GRIK4: variants seen among roughly 807,000 people sequenced by gnomAD.
GRIK4 encodes the protein glutamate ionotropic receptor kainate type subunit 4.
GRIK4 carries 40 observed loss-of-function variants against 104.9 expected under a neutral mutation model. The ratio of observed to expected loss-of-function variants is 0.38; its 90% CI spans 0.30 to 0.50. The LOEUF (loss-of-function observed/expected upper bound fraction) is 0.50. GRIK4 is among the 20% of genes least tolerant of loss of function. The pLI is 0.93. For missense variants in GRIK4, 1,047 were observed against 1,308.1 expected (o/e 0.80, Z 3.08); for synonymous variants, 485 against 524.9 (o/e 0.92, Z 1.04).
chr11:120,825,290 C>T (rs924222506), intron 6 of GRIK4, among the ~76,000 whole-genome samples: 2 of 152,184 alleles, frequency 1.3e-5, no homozygotes, highest in African/African-American at 4.8e-5. Context: ...TCTTCTGCTA[C>T]TTATTTTCTA....
intron 12 of GRIK4, among the ~76,000 whole-genome samples, chr11:120,901,516 G>A (rs1942737947): frequency 6.6e-6 from 1 of 152,036 alleles, no homozygotes; most frequent in African/African-American, 2.4e-5. Flanking sequence ...ATTTTTCCCT[G>A]CCCCCTCCCA....
At chr11:120,833,577 G>A (rs553552394) in intron 7 of GRIK4, among the ~76,000 whole-genome samples, 2 of 152,326 alleles carry the variant, frequency 1.3e-5, no homozygotes, top group Non-Finnish European at 2.9e-5. Flanking sequence ...CCCCCAGGTA[G>A]AAGCTTCTGG....
chr11:120,557,238 C>T (rs181675195), intron 1 of GRIK4, among the ~76,000 whole-genome samples: 5 of 152,334 alleles, frequency 3.3e-5, no homozygotes, highest in South Asian at 2.1e-4. Flanking sequence ...TCCTGTCCCC[C>T]CCGAGGACTC....
intron 1 of GRIK4, among the ~76,000 whole-genome samples, chr11:120,614,786 T>C (rs1008382755): frequency 6.6e-6 from 1 of 152,138 alleles, no homozygotes; most frequent in African/African-American, 2.4e-5. Flanking sequence ...GATCATGAGG[T>C]CAGGAGATCG....
intron 13 of GRIK4, among the ~76,000 whole-genome samples, chr11:120,912,139 G>A (rs1943012644): frequency 6.6e-6 from 1 of 152,202 alleles, no homozygotes; most frequent in South Asian, 2.1e-4. Flanking sequence ...GAATGTGAGA[G>A]AGAGGGAGAA....
intron 3 of GRIK4, among the ~76,000 whole-genome samples, chr11:120,687,375 G>A (rs10892613): frequency 0.11 from 16,306 of 152,132 alleles, 931 homozygotes; most frequent in South Asian, 0.16. Context: ...ATTTCCAAGT[G>A]ATTGTTTTTT....
chr11:120,719,289 T>C (rs1156853532), intron 3 of GRIK4, among the ~76,000 whole-genome samples: 2 of 152,202 alleles, frequency 1.3e-5, no homozygotes, highest in Non-Finnish European at 2.9e-5. Flanking sequence ...CATAAAGTGG[T>C]ATTTCCTATA....
intron 3 of GRIK4, among the ~76,000 whole-genome samples, chr11:120,685,591 C>A (rs1950262862): frequency 6.6e-6 from 1 of 152,122 alleles, no homozygotes; most frequent in African/African-American, 2.4e-5. Flanking sequence ...TGGGGCAGGC[C>A]GGCTTTTTCT....
At chr11:120,671,334 T>A (rs1950013855) in intron 3 of GRIK4, among the ~76,000 whole-genome samples, 1 of 152,210 alleles carries the variant, frequency 6.6e-6, no homozygotes, top group Non-Finnish European at 1.5e-5. Flanking sequence ...GTAAAAGCAT[T>A]ACTATTTCTC....
At chr11:120,581,998 G>A (rs1240160013) in intron 1 of GRIK4, among the ~76,000 whole-genome samples, 9 of 151,490 alleles carry the variant, frequency 5.9e-5, no homozygotes, top group South Asian at 4.2e-4. Context: ...TAGTAGAGAC[G>A]GGGTTTCACT....
intron 2 of GRIK4, among the ~76,000 whole-genome samples, chr11:120,655,146 A>G (rs546695917): frequency 1.3e-5 from 2 of 152,018 alleles, no homozygotes; most frequent in East Asian, 3.9e-4. Flanking sequence ...TCCAGACAGC[A>G]TCGTTGTCAT....
chr11:120,888,781 C>T (rs1159554761), intron 11 of GRIK4, among the ~76,000 whole-genome samples: 1 of 152,178 alleles, frequency 6.6e-6, no homozygotes, highest in Non-Finnish European at 1.5e-5. Context: ...CTGCTATGTG[C>T]ATTACACCCT....
intron 1 of GRIK4, among the ~76,000 whole-genome samples, chr11:120,567,918 G>T (rs1445146371): frequency 1.1e-4 from 17 of 152,192 alleles, no homozygotes; most frequent in Admixed American, 1.1e-3. Flanking sequence ...GGTGGCTCAT[G>T]CCTATAATCC....
intron 8 of GRIK4, among the ~76,000 whole-genome samples, chr11:120,840,463 A>G (rs1953684971): frequency 6.6e-6 from 1 of 152,164 alleles, no homozygotes; most frequent in South Asian, 2.1e-4. Flanking sequence ...ACAGACAGCA[A>G]TGGCACCTGG....
intron 3 of GRIK4, among the ~76,000 whole-genome samples, chr11:120,783,130 C>G (rs1235140276): frequency 1.3e-5 from 2 of 152,200 alleles, no homozygotes; most frequent in Non-Finnish European, 2.9e-5. Flanking sequence ...GACAGCAGCC[C>G]CCCCACAGAG....
At chr11:120,667,067 G>A (rs1949927026) in intron 3 of GRIK4, among the ~76,000 whole-genome samples, 3 of 152,178 alleles carry the variant, frequency 2.0e-5, no homozygotes, top group African/African-American at 7.2e-5. Flanking sequence ...GTCGGACAGG[G>A]ATTTCAGCCT....
At chr11:120,836,549 G>A (rs1307745129) in intron 7 of GRIK4, among the ~76,000 whole-genome samples, 1 of 152,164 alleles carries the variant, frequency 6.6e-6, no homozygotes, top group Non-Finnish European at 1.5e-5. Flanking sequence ...CAGCTACTAC[G>A]CATGCCACTG....
chr11:120,742,545 T>G (rs1293884902), intron 3 of GRIK4, among the ~76,000 whole-genome samples: 2 of 149,016 alleles, frequency 1.3e-5, no homozygotes, highest in South Asian at 2.1e-4. Flanking sequence ...TGAGATGGAG[T>G]CTTGCTCTTT....
intron 1 of GRIK4, among the ~76,000 whole-genome samples, chr11:120,627,987 A>T (rs1949282598): frequency 6.6e-6 from 1 of 152,192 alleles, no homozygotes; most frequent in Non-Finnish European, 1.5e-5. Context: ...TGGGCCTGAG[A>T]ATGCTCACTA....
Sources: gnomAD v4.1 joint callset for allele counts (sites outside exome capture counted in the v4.1 genomes callset) on GRCh38, gnomAD v4.1.1 for gene constraint, MANE v1.5 for transcripts, NCBI Gene and HGNC (gene_info 2026-07-23, HGNC 2026-07-21) for gene names.